IP6K1: variants seen among roughly 807,000 people sequenced by gnomAD.
IP6K1 encodes ATP:1D-myo-inositol-hexakisphosphate phosphotransferase.
A neutral mutation model predicts 38.3 loss-of-function variants in IP6K1; 13 were observed. The observed-to-expected ratio is 0.34, with a 90% CI of 0.22 to 0.54. The LOEUF (loss-of-function observed/expected upper bound fraction) is 0.54, where lower values mean the gene tolerates loss of function less well. Among genes scored for constraint, IP6K1 ranks in the 20% least tolerant of loss-of-function variants. IP6K1 has a pLI of 0.92. For missense variants in IP6K1, 397 were observed against 599.8 expected, an observed-to-expected ratio of 0.66 and a Z score of 3.53; for synonymous variants, 212 against 229.9, an observed-to-expected ratio of 0.92 and a Z score of 0.70.
At chr3:49,759,756 A>G (rs1035310011) in intron 1 of IP6K1, among the ~76,000 whole-genome samples, 12 of 152,246 alleles carry the variant, frequency 7.9e-5, no homozygotes, top group Non-Finnish European at 1.5e-4. Flanking sequence ...GGAAATTAGT[A>G]GACTATGTGA....
intron 1 of IP6K1, among the ~76,000 whole-genome samples, chr3:49,764,181 A>G (rs1455998119): frequency 1.3e-5 from 2 of 151,990 alleles, no homozygotes; most frequent in Admixed American, 1.3e-4. Flanking sequence ...CAGGAGTTTG[A>G]GACCAGCCTG....
intron 4 of IP6K1, among the ~76,000 whole-genome samples, chr3:49,732,405 ACC>A (rs2080570251): frequency 6.6e-6 from 1 of 152,220 alleles, no homozygotes; most frequent in Non-Finnish European, 1.5e-5. Context: ...TCAATATAGT[ACC>A]ACTAGCCACA....
In IP6K1 at chr3:49,747,905, T is replaced by C. The variant is rs2080736035; in HGVS notation, c.136A>G (p.Thr46Ala). 1 of 1,614,120 alleles carries C rather than the reference T, an allele frequency of 6.2e-7. No homozygotes were observed. The highest frequency in any genetic ancestry group is 8.5e-7 in the Non-Finnish European group (1 of 1,180,034). Residue 46 changes from threonine (T) to alanine (A), a missense_variant, in exon 2 of 6, where the codon ACT becomes GCT. Thr to Ala is a moderately conservative substitution (Grantham distance 58). This residue lies in a region of IP6K1 where 171 missense variants were observed against 237.0 expected (regional missense o/e 0.72). Transcript: ENST00000321599. The part of the protein sequence containing the change: ...HSSMMRYDDH[T>A]VCKPLISREQ... The stretch of plus-strand genomic sequence containing the variant: ...CGGGAGATGAGGGGCTTGCACACAG[T>C]GTGATCGTCGTAACGCATCATGCTG...
Position 49,729,007 on chromosome 3 carries a change from G to A in IP6K1, c.617-729C>T, listed in dbSNP as rs149119467. Among the ~76,000 whole-genome samples, 17 of 149,512 alleles carry A rather than the reference G, an allele frequency of 1.1e-4. No individual in the cohort carries two copies. In the East Asian group the frequency reaches 2.4e-3, roughly 21 times the overall value. On this transcript the variant is annotated intron_variant, in intron 4 of 5. Transcript: ENST00000321599. ...CTCGTTCTGTCACCCAGGCTGGAAT[G>A]CAATGGCGCCATCTCGGCTCACTGC...
rs2080481691 is a variant in IP6K1, at chr3:49,724,782, GT to G, written c.*2339del. On this transcript the variant is annotated 3_prime_UTR_variant, in exon 6 of 6. Transcript: ENST00000321599. Reference sequence around the variant, plus strand: ...ACAGGCCCAGAGAGGGAGGGGTGGGGTCCCTGGCAAGTTGCTACACTGGTCC... The same window carrying G: ...ACAGGCCCAGAGAGGGAGGGGTGGGGCCCTGGCAAGTTGCTACACTGGTCC... 1 of 152,630 alleles carries G rather than the reference GT, an allele frequency of 6.6e-6. No homozygotes were observed. The highest frequency in any genetic ancestry group is 6.5e-5 in the Admixed American group (1 of 15,288). 9.5% of individuals were successfully genotyped at this position (152,630 alleles called of 1,614,324 possible).
Position 49,727,786 on chromosome 3 carries a change from A to G in IP6K1, c.793-131T>C. 1.3e-5 allele frequency: 12 copies of G among 935,916 alleles called. No homozygotes were observed. In the South Asian group the frequency reaches 1.9e-4, roughly 15 times the overall value. 58.0% of individuals were successfully genotyped at this position (935,916 alleles called of 1,614,324 possible). A position where few individuals can be genotyped will look rare whatever the true frequency, so the allele number is the denominator to read the frequency against. Reference sequence around the variant, plus strand: ...TCTGCTCACCTATCTAAGTGGAACCAGGCAGGCCACATTCACCCTGGGTTT... The same window carrying G: ...TCTGCTCACCTATCTAAGTGGAACCGGGCAGGCCACATTCACCCTGGGTTT... On this transcript the variant is annotated intron_variant, in intron 5 of 5. Coordinates refer to ENST00000321599, the MANE Select transcript of IP6K1 (RefSeq NM_153273.4). The surrounding 1 kb of genome is among the most constrained non-coding windows in gnomAD (Gnocchi z 5.9).
intron 2 of IP6K1, among the ~76,000 whole-genome samples, chr3:49,743,241 T>TACACACACACACAC (rs202144754): frequency 7.3e-6 from 1 of 137,196 alleles, no homozygotes; most frequent in African/African-American, 2.8e-5. Flanking sequence ...AAAAACAAAA[T>TACACACACACACAC]ACACACACAC....
intron 1 of IP6K1, among the ~76,000 whole-genome samples, chr3:49,782,261 C>G (rs1036320871): frequency 1.3e-5 from 2 of 151,878 alleles, no homozygotes; most frequent in Non-Finnish European, 2.9e-5. Flanking sequence ...ACCTCCACCT[C>G]CCAGGTTCAA....
At chr3:49,742,717 G>A (rs1457621911) in intron 2 of IP6K1, among the ~76,000 whole-genome samples, 1 of 151,840 alleles carries the variant, frequency 6.6e-6, no homozygotes, top group Non-Finnish European at 1.5e-5. Context: ...TGGGCAACAT[G>A]GTGAGACCCT....
chr3:49,757,344 T>C (rs2080832763), intron 1 of IP6K1, among the ~76,000 whole-genome samples: 1 of 152,138 alleles, frequency 6.6e-6, no homozygotes, highest in Non-Finnish European at 1.5e-5. Context: ...AAGGCAGAGG[T>C]AAACAAGCTC....
intron 1 of IP6K1, among the ~76,000 whole-genome samples, chr3:49,753,249 C>T (rs7372730): frequency 1.3e-4 from 19 of 151,866 alleles, no homozygotes; most frequent in Non-Finnish European, 1.9e-4. Flanking sequence ...TATTCCCTAG[C>T]TTCTTTGCAC....
At chr3:49,764,562 A>C (rs1250949205) in intron 1 of IP6K1, among the ~76,000 whole-genome samples, 1 of 152,156 alleles carries the variant, frequency 6.6e-6, no homozygotes, top group South Asian at 2.1e-4. Flanking sequence ...ACACTGTACA[A>C]GAGTCAACTA....
At chr3:49,772,338 CTA>C (rs942945121) in intron 1 of IP6K1, among the ~76,000 whole-genome samples, 39 of 146,476 alleles carry the variant, frequency 2.7e-4, no homozygotes, top group Admixed American at 6.2e-4. Flanking sequence ...TATAGGAAGA[CTA>C]TATAATATAT....
intron 1 of IP6K1, among the ~76,000 whole-genome samples, chr3:49,750,034 G>A (rs916560047): frequency 6.6e-6 from 1 of 152,122 alleles, no homozygotes; most frequent in African/African-American, 2.4e-5. Flanking sequence ...ATACCACTGT[G>A]CTGTCATCTA....
At chr3:49,728,060 C>T (rs1332364407) in intron 5 of IP6K1, 43 bp downstream of exon 5, 2 of 1,580,094 alleles carry the variant, frequency 1.3e-6, no homozygotes, top group Non-Finnish European at 1.7e-6. Flanking sequence ...CAACCCAAAT[C>T]ATGCAAGTGG....
intron 1 of IP6K1, among the ~76,000 whole-genome samples, chr3:49,763,707 C>T (rs567057923): frequency 1.9e-3 from 288 of 152,160 alleles, no homozygotes; most frequent in Non-Finnish European, 3.4e-3. Flanking sequence ...AAATTCAGTA[C>T]CCATTCATAA....
intron 1 of IP6K1, among the ~76,000 whole-genome samples, chr3:49,763,887 T>G (rs1157802128): frequency 6.6e-6 from 1 of 151,910 alleles, no homozygotes; most frequent in African/African-American, 2.4e-5. Flanking sequence ...CTGCGCATGG[T>G]GGCGGGCACC....
Position 49,738,427 on chromosome 3 carries a change from T to C in IP6K1, c.224-5A>G, listed in dbSNP as rs1559704062. 8.7e-6 allele frequency: 14 copies of C among 1,611,490 alleles called. No individual in the cohort carries two copies. The Admixed American group carries it at 2.3e-4, about 27-fold the overall frequency. Reference sequence around the variant, plus strand: ...CAAAACAGACAGATACCACGCCTGTTAAAAAAAGGGCAGTTGGTAAACAAA... The same window carrying C: ...CAAAACAGACAGATACCACGCCTGTCAAAAAAAGGGCAGTTGGTAAACAAA... On this transcript the variant is annotated splice_polypyrimidine_tract_variant and splice_region_variant and intron_variant, in intron 2 of 5. Coordinates refer to ENST00000321599, the MANE Select transcript of IP6K1 (RefSeq NM_153273.4).
intron 1 of IP6K1, among the ~76,000 whole-genome samples, chr3:49,773,430 GA>G (rs1017419782): frequency 1.1e-4 from 17 of 152,160 alleles, no homozygotes; most frequent in African/African-American, 4.1e-4. Context: ...CTAACACAGT[GA>G]AACCCCATCT....
Sources: gnomAD v4.1 joint callset for allele counts (sites outside exome capture counted in the v4.1 genomes callset) on GRCh38, gnomAD v4.1.1 for gene constraint, gnomAD v4.1.1 regional missense constraint, Gnocchi (gnomAD v3.1) non-coding constraint, MANE v1.5 for transcripts, NCBI Gene and HGNC (gene_info 2026-07-23, HGNC 2026-07-21) for gene names.